Variants in PRKCB observed in about 807,000 individuals in gnomAD.
The protein encoded by PRKCB is protein kinase C beta.
A neutral mutation model predicts 81.5 loss-of-function variants in PRKCB; 13 were observed. The observed-to-expected ratio is 0.16, with a 90% confidence interval of 0.10 to 0.25. The LOEUF is 0.25. PRKCB is among the 10% of genes least tolerant of loss of function. The pLI is 1.00. For synonymous variants in PRKCB, 335 were observed against 321.4 expected, an observed-to-expected ratio of 1.04 and a Z score of -0.45; for missense variants, 509 against 875.7, an observed-to-expected ratio of 0.58 and a Z score of 5.29.
At chr16:24,133,672 G>A (rs1462778054) in intron 9 of PRKCB, among the ~76,000 whole-genome samples, 1 of 152,192 alleles carries the variant, frequency 6.6e-6, no homozygotes, top group Non-Finnish European at 1.5e-5. Context: ...CAAGGACCAT[G>A]CCATGGATTT....
chr16:23,984,698 G>A (rs182629065), intron 2 of PRKCB, among the ~76,000 whole-genome samples: 219 of 152,322 alleles, frequency 1.4e-3, no homozygotes, highest in Middle Eastern at 6.8e-3. Context: ...CAGATAAGAT[G>A]CTACAATTTA....
chr16:24,168,204 T>C (rs1290883775), intron 10 of PRKCB, among the ~76,000 whole-genome samples: 1 of 152,188 alleles, frequency 6.6e-6, no homozygotes, highest in Non-Finnish European at 1.5e-5. Context: ...AAGTGAAAAA[T>C]GTCCCATCTA....
At chr16:23,997,139 C>G (rs567973145) in intron 3 of PRKCB, among the ~76,000 whole-genome samples, 4 of 152,154 alleles carry the variant, frequency 2.6e-5, no homozygotes, top group African/African-American at 7.2e-5. Context: ...ACACTGCCAC[C>G]CAGCCACTTT....
chr16:24,153,004 G>T (rs547198482), intron 9 of PRKCB, among the ~76,000 whole-genome samples: 1 of 152,338 alleles, frequency 6.6e-6, no homozygotes, highest in South Asian at 2.1e-4. Context: ...GAGGACAGGA[G>T]ATAGGAATGC....
At chr16:23,907,611 G>A (rs554281443) in intron 2 of PRKCB, among the ~76,000 whole-genome samples, 1 of 152,160 alleles carries the variant, frequency 6.6e-6, no homozygotes, top group African/African-American at 2.4e-5. Flanking sequence ...TTCTTGTTCT[G>A]AGAGTCTGTC....
chr16:23,866,122 G>A (rs1962786200), intron 2 of PRKCB, among the ~76,000 whole-genome samples: 3 of 152,110 alleles, frequency 2.0e-5, no homozygotes, highest in South Asian at 4.1e-4. Context: ...GTTAATTATC[G>A]CCCCTGGGAA....
intron 2 of PRKCB, among the ~76,000 whole-genome samples, chr16:23,958,111 C>T (rs2141786559): frequency 6.6e-6 from 1 of 152,310 alleles, no homozygotes; most frequent in South Asian, 2.1e-4. Flanking sequence ...CCTGCCTCAG[C>T]CTCCTGAGTA....
At chr16:24,134,308 T>G (rs1306956107) in intron 9 of PRKCB, among the ~76,000 whole-genome samples, 1 of 152,150 alleles carries the variant, frequency 6.6e-6, no homozygotes, top group Non-Finnish European at 1.5e-5. Flanking sequence ...AAGAGCTACC[T>G]AATGAGGCCA....
At chr16:24,016,234 G>C (rs749589353) in intron 3 of PRKCB, among the ~76,000 whole-genome samples, 4 of 152,110 alleles carry the variant, frequency 2.6e-5, no homozygotes, top group African/African-American at 4.8e-5. Context: ...AACGTTTTGA[G>C]AATACAGTAT....
At chr16:24,075,167 ACT>A (rs1414476665) in intron 5 of PRKCB, among the ~76,000 whole-genome samples, 1 of 151,980 alleles carries the variant, frequency 6.6e-6, no homozygotes, top group Non-Finnish European at 1.5e-5. Context: ...AAAATGCAAA[ACT>A]CAATTTTTCC....
intron 5 of PRKCB, among the ~76,000 whole-genome samples, chr16:24,068,938 C>G (rs991457484): frequency 6.6e-6 from 1 of 152,010 alleles, no homozygotes; most frequent in Non-Finnish European, 1.5e-5. Context: ...ATGGAGACAG[C>G]GATATAAAAT....
intron 16 of PRKCB, among the ~76,000 whole-genome samples, chr16:24,200,192 C>T (rs1173712550): frequency 6.6e-6 from 1 of 151,354 alleles, no homozygotes; most frequent in African/African-American, 2.5e-5. Context: ...ATGAGGCAGC[C>T]GAGACAGGCT....
At chr16:23,956,856 A>T (rs1007370483) in intron 2 of PRKCB, among the ~76,000 whole-genome samples, 3 of 152,026 alleles carry the variant, frequency 2.0e-5, no homozygotes, top group African/African-American at 7.3e-5. Context: ...TTGGATCAGT[A>T]GGAAAAAAAA....
intron 10 of PRKCB, among the ~76,000 whole-genome samples, chr16:24,164,889 T>C (rs961626942): frequency 6.6e-6 from 1 of 152,140 alleles, no homozygotes; most frequent in Non-Finnish European, 1.5e-5. Context: ...GTAGGAGGAA[T>C]GGGGAACAAA....
chr16:24,149,890 A>T lies in PRKCB; in HGVS notation c.1066-4794A>T, dbSNP rs1436980442. Among the ~76,000 whole-genome samples the T allele has an allele frequency of 2.6e-5, 4 of 152,272 alleles. No individual in the cohort carries two copies. In the East Asian group the frequency reaches 7.7e-4, roughly 29 times the overall value. On this transcript the variant is annotated intron_variant, in intron 9 of 16. Transcript: ENST00000643927. Reference sequence around the variant, plus strand: ...ATAAAAATAACTTTATTGGAGGAACATAAAGGTTTCAAACAGAAAATGGCT... The same window carrying T: ...ATAAAAATAACTTTATTGGAGGAACTTAAAGGTTTCAAACAGAAAATGGCT...
chr16:24,125,705 A>C (rs1001122045), intron 9 of PRKCB, among the ~76,000 whole-genome samples: 16 of 152,124 alleles, frequency 1.1e-4, no homozygotes, highest in Admixed American at 3.3e-4. Context: ...CGCCACTGTG[A>C]TTTCAGAGCC....
chr16:23,979,136 A>G lies in PRKCB; in HGVS notation c.206-9372A>G, dbSNP rs113270702. 8.1e-3 allele frequency among the ~76,000 whole-genome samples: 1,238 copies of G among 152,310 alleles called. 15 individuals are homozygous for G. Among genetic ancestry groups the G allele is most frequent in the African/African-American group, 0.029 (1,191 of 41,556 alleles). On this transcript the variant is annotated intron_variant, in intron 2 of 16. Transcript: ENST00000643927. ...TGCTAAGATAACTCACTTATTCCTC[A>G]TAACAACTCTATGAGGAAAGTACTA...
intron 5 of PRKCB, among the ~76,000 whole-genome samples, chr16:24,059,776 G>A (rs1026154363): frequency 6.6e-6 from 1 of 152,208 alleles, no homozygotes; most frequent in Non-Finnish European, 1.5e-5. Flanking sequence ...TCAAGAAAGT[G>A]GATATGGCCA....
intron 7 of PRKCB, among the ~76,000 whole-genome samples, chr16:24,110,510 CT>C (rs1211090636): frequency 0.032 from 3,550 of 111,120 alleles, 25 homozygotes; most frequent in Non-Finnish European, 0.043. Context: ...CATGCCCAAC[CT>C]TTTTTTTTTT....
Sources: gnomAD v4.1 joint callset for allele counts (sites outside exome capture counted in the v4.1 genomes callset) on GRCh38, gnomAD v4.1.1 for gene constraint, MANE v1.5 for transcripts, NCBI Gene and HGNC (gene_info 2026-07-23, HGNC 2026-07-21) for gene names.